Variants in CACNA1D observed in about 807,000 individuals in gnomAD.
The protein encoded by CACNA1D is calcium voltage-gated channel subunit alpha1 D, also known as voltage-dependent L-type calcium channel subunit alpha-1D.
CACNA1D carries 55 observed loss-of-function variants against 257.1 expected under a neutral mutation model. That is an observed-to-expected ratio of 0.21 (90% CI 0.17 to 0.27). CACNA1D has a LOEUF of 0.27. Among genes scored for constraint, CACNA1D ranks in the 10% least tolerant of loss-of-function variants. The pLI is 1.00. For missense variants in CACNA1D, 1,876 were observed against 2,784.0 expected, an observed-to-expected ratio of 0.67 and a Z score of 7.34; for synonymous variants, 980 against 1,014.9, an observed-to-expected ratio of 0.97 and a Z score of 0.65.
At chr3:53,805,862 CAT>C (rs1271696429) in intron 45 of CACNA1D, among the ~76,000 whole-genome samples, 1 of 142,678 alleles carries the variant, frequency 7.0e-6, no homozygotes, top group African/African-American at 2.7e-5. Context: ...CCTCCTCCCT[CAT>C]CTTCCCTCCT....
chr3:53,733,066 C>T, intron 19 of CACNA1D, 104 bp downstream of exon 19: 1 of 1,124,624 alleles, frequency 8.9e-7, no homozygotes, highest in Non-Finnish European at 1.3e-6. Context: ...GTTCACAGCC[C>T]TTTCTGAACC....
intron 3 of CACNA1D, among the ~76,000 whole-genome samples, chr3:53,622,784 G>A (rs958227967): frequency 6.6e-5 from 10 of 152,092 alleles, no homozygotes; most frequent in Non-Finnish European, 1.0e-4. Flanking sequence ...TCCGTCGGGA[G>A]AATGGATAAA....
At chr3:53,512,911 T>C (rs1369221881) in intron 3 of CACNA1D, among the ~76,000 whole-genome samples, 3 of 152,238 alleles carry the variant, frequency 2.0e-5, no homozygotes, top group Admixed American at 2.0e-4. Context: ...TTTCATAAAA[T>C]ACTTTATTGC....
intron 3 of CACNA1D, among the ~76,000 whole-genome samples, chr3:53,530,975 G>A (rs974384706): frequency 1.3e-5 from 2 of 151,186 alleles, no homozygotes; most frequent in East Asian, 1.9e-4. Flanking sequence ...AGCCTCCCGA[G>A]TAGCTGGGAC....
chr3:53,532,291 T>C (rs894239625), intron 3 of CACNA1D, among the ~76,000 whole-genome samples: 3 of 152,068 alleles, frequency 2.0e-5, no homozygotes, highest in Non-Finnish European at 1.5e-5. Context: ...AGAGAGAAAA[T>C]GTGGAGTGCA....
chr3:53,736,368 A>G (rs2095057520), intron 20 of CACNA1D, among the ~76,000 whole-genome samples: 1 of 152,114 alleles, frequency 6.6e-6, no homozygotes, highest in Admixed American at 6.6e-5. Context: ...TATATAATGA[A>G]TGTTAAAAAA....
chr3:53,518,179 G>C (rs527923981), intron 3 of CACNA1D, among the ~76,000 whole-genome samples: 2 of 152,344 alleles, frequency 1.3e-5, no homozygotes, highest in South Asian at 4.1e-4. Flanking sequence ...GTTCTCTGTA[G>C]AACTGAGAGG....
At chr3:53,626,398 A>G (rs12496856) in intron 3 of CACNA1D, among the ~76,000 whole-genome samples, 4 of 152,164 alleles carry the variant, frequency 2.6e-5, no homozygotes, top group Admixed American at 2.6e-4. Flanking sequence ...GATGGAGGGG[A>G]CCTGTGGGAT....
At chr3:53,574,295 G>A (rs1167385376) in intron 3 of CACNA1D, among the ~76,000 whole-genome samples, 1 of 152,130 alleles carries the variant, frequency 6.6e-6, no homozygotes, top group Non-Finnish European at 1.5e-5. Context: ...CCAGCTCATG[G>A]GATGGTGTGA....
At chr3:53,555,996 C>G (rs1186122501) in intron 3 of CACNA1D, among the ~76,000 whole-genome samples, 4 of 152,160 alleles carry the variant, frequency 2.6e-5, no homozygotes, top group African/African-American at 9.7e-5. Flanking sequence ...TTTACCCCAG[C>G]CCATGGCAAC....
chr3:53,617,182 A>G (rs955058215), intron 3 of CACNA1D, among the ~76,000 whole-genome samples: 1 of 152,190 alleles, frequency 6.6e-6, no homozygotes, highest in African/African-American at 2.4e-5. Flanking sequence ...TGTTGATAGC[A>G]GAAGCATCCA....
chr3:53,534,533 C>T (rs1000606987), intron 3 of CACNA1D, among the ~76,000 whole-genome samples: 4 of 152,158 alleles, frequency 2.6e-5, no homozygotes, highest in African/African-American at 9.7e-5. Flanking sequence ...CCTCTCCATT[C>T]TGTGTGCCCC....
intron 3 of CACNA1D, among the ~76,000 whole-genome samples, chr3:53,573,326 C>T (rs1026744114): frequency 1.3e-4 from 20 of 152,176 alleles, no homozygotes; most frequent in African/African-American, 4.6e-4. Flanking sequence ...CTGTACCTTC[C>T]CCTCACTCCT....
chr3:53,770,159 T>C (rs993797199), intron 31 of CACNA1D, 142 bp downstream of exon 31: 3 of 800,526 alleles, frequency 3.7e-6, no homozygotes, highest in Non-Finnish European at 6.5e-6. Context: ...TCATCATCAG[T>C]GTCCAGTACT....
chr3:53,770,413 TA>T lies in CACNA1D; in HGVS notation c.3916-9del. On this transcript the variant is annotated splice_polypyrimidine_tract_variant and intron_variant, in intron 31 of 47. Transcript: ENST00000350061. ...TCCATTGGGTTTGACCTCTCCATGA[TA>T]ACCCTTCAGAACTCTGAAGAGAGCA... is the stretch of plus-strand genomic sequence containing the variant. 1 of 1,613,552 alleles carries T rather than the reference TA, an allele frequency of 6.2e-7. No individual in the cohort carries two copies. Among genetic ancestry groups the T allele is most frequent in the Non-Finnish European group, 8.5e-7 (1 of 1,179,428 alleles).
In CACNA1D at chr3:53,733,034, C is replaced by T. The variant is rs2095014651; in HGVS notation, c.2621+72C>T. 7.3e-6 allele frequency: 11 copies of T among 1,507,796 alleles called. No homozygotes were observed. The South Asian group carries it at 7.9e-5, about 11-fold the overall frequency. 93.4% of individuals were successfully genotyped at this position (1,507,796 alleles called of 1,614,324 possible). A position where few individuals can be genotyped will look rare whatever the true frequency, so the allele number is the denominator to read the frequency against. ...CCCTACAGGTTGCTTGAGGGTGGCTCGGGTGGGGGTGAGGGGAAGTGGTTC... is the reference window on the plus strand; with the variant it reads ...CCCTACAGGTTGCTTGAGGGTGGCTTGGGTGGGGGTGAGGGGAAGTGGTTC... On this transcript the variant is annotated intron_variant, in intron 19 of 47. Coordinates refer to ENST00000350061, the MANE Select transcript of CACNA1D (RefSeq NM_001128840.3).
At chr3:53,612,671 A>T (rs1358945995) in intron 3 of CACNA1D, among the ~76,000 whole-genome samples, 1 of 151,826 alleles carries the variant, frequency 6.6e-6, no homozygotes, top group Admixed American at 6.6e-5. Context: ...GCCACCTCAG[A>T]CTCCCTACAT....
chr3:53,795,661 C>G (rs1268650457), intron 40 of CACNA1D, among the ~76,000 whole-genome samples: 8 of 152,194 alleles, frequency 5.3e-5, no homozygotes, highest in Admixed American at 5.2e-4. Context: ...TAAGCCTAAA[C>G]TTTACAGAAT....
At chr3:53,746,977 G>A (rs1026251008) in intron 25 of CACNA1D, among the ~76,000 whole-genome samples, 3 of 152,270 alleles carry the variant, frequency 2.0e-5, no homozygotes, top group Non-Finnish European at 2.9e-5. Flanking sequence ...ATCCTTCAGA[G>A]CGCGCCTCAA....
Sources: gnomAD v4.1 joint callset for allele counts (sites outside exome capture counted in the v4.1 genomes callset) on GRCh38, gnomAD v4.1.1 for gene constraint, MANE v1.5 for transcripts, NCBI Gene and HGNC (gene_info 2026-07-23, HGNC 2026-07-21) for gene names.